The following HMHB1 variants were observed in gnomAD, a reference collection of about 807,000 sequenced individuals.
HMHB1 encodes the protein minor histocompatibility protein HB-1.
In HMHB1, 4 loss-of-function variants were observed where a neutral mutation model predicts 2.4. The observed-to-expected ratio is 1.65, with a 90% CI of 0.81 to 3.77. The LOEUF (loss-of-function observed/expected upper bound fraction) is 3.77. Ranked by LOEUF, HMHB1 falls within the 30% of genes most tolerant of loss-of-function variation. HMHB1 has a pLI of 0.01. For missense variants in HMHB1, 57 were observed against 44.2 expected (o/e 1.29, Z -0.82); for synonymous variants, 22 against 17.6 (o/e 1.25, Z -0.63).
At chr5:143,818,985 A>T (rs1759778137) in intron 1 of HMHB1, among the ~76,000 whole-genome samples, 1 of 152,186 alleles carries the variant, frequency 6.6e-6, no homozygotes, top group African/African-American at 2.4e-5. Flanking sequence ...AAATCACCTG[A>T]ACTAGAAAAC....
intron 1 of HMHB1, 151 bp downstream of exon 1, chr5:143,812,455 C>T (rs368118171): frequency 1.1e-5 from 8 of 733,038 alleles, no homozygotes; most frequent in African/African-American, 1.1e-4. Flanking sequence ...AGTGAGACGG[C>T]CCTTGTTGCT....
In HMHB1 at chr5:143,812,317, G is replaced by A. The variant is rs770901926; in HGVS notation, c.37+13G>A. Reference sequence around the variant, plus strand: ...GAAGAAAAAAGAGGTGAGGGAGCGAGGAGGAGGGAGAACAGAGAGAGAGGG... The same window carrying A: ...GAAGAAAAAAGAGGTGAGGGAGCGAAGAGGAGGGAGAACAGAGAGAGAGGG... On this transcript the variant is annotated intron_variant, in intron 1 of 1. Coordinates refer to ENST00000289448, the MANE Select transcript of HMHB1 (RefSeq NM_021182.3). 1.9e-6 allele frequency: 3 copies of A among 1,550,628 alleles called. No homozygotes were observed. Among genetic ancestry groups the A allele is most frequent in the Non-Finnish European group, 2.6e-6 (3 of 1,146,070 alleles).
At chr5:143,819,998 T>C (rs115671081) in intron 1 of HMHB1, among the ~76,000 whole-genome samples, 5,139 of 152,270 alleles carry the variant, frequency 0.034, 129 homozygotes, top group South Asian at 0.053. Flanking sequence ...GTTTTTCTGC[T>C]ATTCAACAGT....
Position 143,820,480 on chromosome 5 carries a change from GT to G in HMHB1, c.40del (p.Ser14LeufsTer18). The G allele has an allele frequency of 3.8e-6, 6 of 1,599,096 alleles. No homozygotes were observed. The highest frequency in any genetic ancestry group is 5.1e-6 in the Non-Finnish European group (6 of 1,166,714). On this transcript the variant is annotated frameshift_variant and splice_region_variant, in exon 2 of 2. Coordinates refer to ENST00000289448, the MANE Select transcript of HMHB1 (RefSeq NM_021182.3). LOFTEE classifies it low-confidence loss of function (END_TRUNC). ...TCAGCTAAGCCATTCTTTTCTATAG[GT>G]TCTCTGCATGTTTGGAAGTCGGAAT... is the stretch of plus-strand genomic sequence containing the variant.
At chr5:143,819,992 T>C (rs1759790341) in intron 1 of HMHB1, among the ~76,000 whole-genome samples, 1 of 152,192 alleles carries the variant, frequency 6.6e-6, no homozygotes, top group Non-Finnish European at 1.5e-5. Context: ...CTTAATGTTT[T>C]TCTGCTATTC....
chr5:143,820,335 A>AAAAAAAC (rs1561938094), intron 1 of HMHB1, 145 bp from the exon 2 acceptor site: 20 of 335,118 alleles, frequency 6.0e-5, no homozygotes, highest in African/African-American at 5.3e-4. Flanking sequence ...AAAAAAAAAA[A>AAAAAAAC]AAAAAAAAAA....
At chr5:143,812,407 A>G in intron 1 of HMHB1, 103 bp downstream of exon 1, 1 of 1,031,318 alleles carries the variant, frequency 9.7e-7, no homozygotes, top group Non-Finnish European at 1.5e-6. Context: ...GGAAACCACA[A>G]CAGGTGAAAA....
chr5:143,812,177 C>T lies in HMHB1; in HGVS notation c.-91C>T, dbSNP rs1291053253. The T allele has an allele frequency of 7.4e-5, 88 of 1,196,280 alleles. No homozygotes were observed. Among genetic ancestry groups the T allele is most frequent in the Non-Finnish European group, 1.0e-4 (84 of 832,804 alleles). 74.1% of individuals were successfully genotyped at this position (1,196,280 alleles called of 1,614,324 possible). Reference sequence around the variant, plus strand: ...ATGAGGAAACCACATCCCAGGAGGCCGAGGCGGCTTGCCCCGCATCTCAGA... The same window carrying T: ...ATGAGGAAACCACATCCCAGGAGGCTGAGGCGGCTTGCCCCGCATCTCAGA... On this transcript the variant is annotated 5_prime_UTR_variant, in exon 1 of 2. Transcript: ENST00000289448.
intron 1 of HMHB1, among the ~76,000 whole-genome samples, chr5:143,819,279 T>C (rs2544835): frequency 0.037 from 5,622 of 152,270 alleles, 373 homozygotes; most frequent in African/African-American, 0.13. Context: ...TATACATTAG[T>C]TGCCAACACT....
At chr5:143,813,530 A>G (rs561298219) in intron 1 of HMHB1, among the ~76,000 whole-genome samples, 1 of 152,356 alleles carries the variant, frequency 6.6e-6, no homozygotes, top group East Asian at 1.9e-4. Flanking sequence ...ACTGAAAAGT[A>G]AAAAATGGAA....
At position 143,815,927 on chromosome 5, in the gene HMHB1, C is replaced by T. The variant is rs181669703; in HGVS notation, c.37+3623C>T. Among the ~76,000 whole-genome samples, 1,161 of 144,628 alleles carry T rather than the reference C, an allele frequency of 8.0e-3. 42 individuals are homozygous for T. The highest frequency in any genetic ancestry group is 0.022 in the African/African-American group (818 of 36,644). 94.9% of individuals were successfully genotyped at this position (144,628 alleles called of 152,430 possible). A position where few individuals can be genotyped will look rare whatever the true frequency, so the allele number is the denominator to read the frequency against. ...TTCACCTTGTTAGCCAGGATGGTCT[C>T]GATCTCCTGACCTCATGATCCACCC... is the stretch of plus-strand genomic sequence containing the variant. On this transcript the variant is annotated intron_variant, in intron 1 of 1. Transcript: ENST00000289448.
At chr5:143,817,193 A>G (rs1417844388) in intron 1 of HMHB1, among the ~76,000 whole-genome samples, 2 of 152,080 alleles carry the variant, frequency 1.3e-5, no homozygotes, top group Non-Finnish European at 2.9e-5. Context: ...TTGCTGCGTA[A>G]AAGCTCTTTA....
Position 143,817,683 on chromosome 5 carries a change from C to T in HMHB1, c.38-2797C>T, listed in dbSNP as rs1373109799. 5.3e-5 allele frequency among the ~76,000 whole-genome samples: 8 copies of T among 151,940 alleles called. No homozygotes were observed. In the South Asian group the frequency reaches 6.2e-4, roughly 12 times the overall value. ...TTTTGCTTATCTTGGTTTGGCTATGCGGGCTCTTTTTTGGATCCATATGAA... is the reference window on the plus strand; with the variant it reads ...TTTTGCTTATCTTGGTTTGGCTATGTGGGCTCTTTTTTGGATCCATATGAA... On this transcript the variant is annotated intron_variant, in intron 1 of 1. Transcript: ENST00000289448.
intron 1 of HMHB1, 71 bp downstream of exon 1, chr5:143,812,375 G>A (rs375532523): frequency 2.1e-5 from 30 of 1,405,386 alleles, no homozygotes; most frequent in Non-Finnish European, 2.9e-5. Context: ...GAAAATGAAA[G>A]AAAATGCTGG....
intron 1 of HMHB1, among the ~76,000 whole-genome samples, chr5:143,815,832 G>A (rs1017842992): frequency 1.3e-5 from 2 of 150,156 alleles, no homozygotes; most frequent in South Asian, 4.2e-4. Context: ...TCAGCCTCCC[G>A]AGTAGCTGGG....
rs1581009869 is a variant in HMHB1 at position 143,812,187 on chromosome 5, T to G, written c.-81T>G. On this transcript the variant is annotated 5_prime_UTR_variant, in exon 1 of 2. Coordinates refer to ENST00000289448, the MANE Select transcript of HMHB1 (RefSeq NM_021182.3). ...CACATCCCAGGAGGCCGAGGCGGCT[T>G]GCCCCGCATCTCAGAAGCCGGGCAG... 11 of 1,357,702 alleles carry G rather than the reference T, an allele frequency of 8.1e-6. No individual in the cohort carries two copies. Among genetic ancestry groups the G allele is most frequent in the Admixed American group, 2.1e-5 (1 of 48,028 alleles). 84.1% of individuals were successfully genotyped at this position (1,357,702 alleles called of 1,614,324 possible). A position where few individuals can be genotyped will look rare whatever the true frequency, so the allele number is the denominator to read the frequency against.
chr5:143,813,917 A>G (rs1759719591), intron 1 of HMHB1, among the ~76,000 whole-genome samples: 1 of 152,240 alleles, frequency 6.6e-6, no homozygotes, highest in South Asian at 2.1e-4. Flanking sequence ...AATATGGCAC[A>G]TGATATTTTC....
At chr5:143,812,854 T>C (rs960209302) in intron 1 of HMHB1, among the ~76,000 whole-genome samples, 3 of 152,166 alleles carry the variant, frequency 2.0e-5, no homozygotes, top group Non-Finnish European at 2.9e-5. Context: ...GGGGTATAGC[T>C]TTCCCCAGTT....
At chr5:143,817,650 T>A (rs1759764452) in intron 1 of HMHB1, among the ~76,000 whole-genome samples, 1 of 152,182 alleles carries the variant, frequency 6.6e-6, no homozygotes, top group Non-Finnish European at 1.5e-5. Context: ...TGCCTCCAGA[T>A]TTGTTCTTTT....
Sources: allele counts gnomAD v4.1 joint callset (sites outside exome capture counted in the v4.1 genomes callset), GRCh38; gene constraint gnomAD v4.1.1; transcripts MANE v1.5; gene names NCBI Gene and HGNC (gene_info 2026-07-23, HGNC 2026-07-21).